Variants in RPH3A observed in about 807,000 individuals in gnomAD.
RPH3A encodes the protein rabphilin 3A.
Under a neutral mutation model 102.2 loss-of-function variants are expected in RPH3A, and 48 were observed. The ratio of observed to expected loss-of-function variants is 0.47; its 90% CI spans 0.37 to 0.60. The LOEUF (loss-of-function observed/expected upper bound fraction) is 0.60, where lower values mean the gene tolerates loss of function less well. Among genes scored for constraint, RPH3A ranks in the 20% least tolerant of loss-of-function variants. RPH3A has a pLI of 0.00. For missense variants in RPH3A, 781 were observed against 910.1 expected (o/e 0.86, Z 1.83); for synonymous variants, 310 against 324.3 (o/e 0.96, Z 0.47).
intron 15 of RPH3A, 31 bp downstream of exon 15, chr12:112,881,877 C>T (rs556640112): frequency 3.0e-5 from 48 of 1,576,612 alleles, no homozygotes; most frequent in South Asian, 1.9e-4. Flanking sequence ...CTCTGCAAAC[C>T]GGGTGCATGG....
chr12:112,590,532 T>C lies in RPH3A; in HGVS notation c.-140+15213T>C, dbSNP rs545812433. 6.6e-5 allele frequency among the ~76,000 whole-genome samples: 10 copies of C among 152,320 alleles called. No homozygotes were observed. In the East Asian group the frequency reaches 1.9e-3, roughly 29 times the overall value. ...CCCCCAGTGGGGTGGACATCAGGGC[T>C]CAGTGTCATGGAAATGGCTCATGGG... On this transcript the variant is annotated intron_variant, in intron 1 of 21. Transcript: ENST00000543106.
intron 1 of RPH3A, among the ~76,000 whole-genome samples, chr12:112,701,118 G>C (rs1381177105): frequency 2.0e-5 from 3 of 152,148 alleles, no homozygotes; most frequent in Non-Finnish European, 4.4e-5. Flanking sequence ...GCTATGCACT[G>C]GGATACAAAC....
chr12:112,815,282 C>T (rs1397414494), intron 2 of RPH3A, among the ~76,000 whole-genome samples: 1 of 152,176 alleles, frequency 6.6e-6, no homozygotes, highest in African/African-American at 2.4e-5. Context: ...TAAGTTGAAC[C>T]ACATGACGCT....
In RPH3A at chr12:112,890,879, C is replaced by T. The variant is rs373313875; in HGVS notation, c.1651C>T (p.Arg551Cys). 8.1e-6 allele frequency: 13 copies of T among 1,613,826 alleles called. No individual in the cohort carries two copies. The highest frequency in any genetic ancestry group is 3.3e-5 in the Admixed American group (2 of 59,970). ...QVERVGDIEE[R>C]GKILVSLMYS... ...GGAGCGTGTTGGTGACATCGAGGAG[C>T]GTGGCAAGATCCTGGTCTCCCTCAT... is the stretch of plus-strand genomic sequence containing the variant. Residue 551 changes from arginine to cysteine, a missense_variant, in exon 19 of 22, where the codon CGT becomes TGT. Around this residue, in one of 2 missense-constraint regions of RPH3A, gnomAD observed 730 missense variants for 810.0 expected, o/e 0.90. Coordinates refer to ENST00000389385, the MANE Select transcript of RPH3A (RefSeq NM_001143854.2).
intron 1 of RPH3A, among the ~76,000 whole-genome samples, chr12:112,783,026 C>A (rs1366024467): frequency 6.6e-6 from 1 of 152,170 alleles, no homozygotes; most frequent in Non-Finnish European, 1.5e-5. Flanking sequence ...TTGCCACCTG[C>A]CTGTCAGCTC....
intron 1 of RPH3A, among the ~76,000 whole-genome samples, chr12:112,585,692 G>A (rs2039433939): frequency 6.6e-6 from 1 of 152,070 alleles, no homozygotes; most frequent in South Asian, 2.1e-4. Flanking sequence ...CCAAGATCCT[G>A]CGCCACTGCA....
chr12:112,664,388 G>A (rs1039542336), intron 1 of RPH3A, among the ~76,000 whole-genome samples: 4 of 152,180 alleles, frequency 2.6e-5, no homozygotes, highest in East Asian at 1.9e-4. Context: ...GTTTTTGGTC[G>A]AAGGTTGGAG....
At chr12:112,774,801 C>A (rs574279532) in intron 1 of RPH3A, among the ~76,000 whole-genome samples, 1 of 151,640 alleles carries the variant, frequency 6.6e-6, no homozygotes, top group African/African-American at 2.4e-5. Flanking sequence ...GGGCGGAGAG[C>A]AGTAGGAAAA....
chr12:112,676,683 G>A (rs2040177083), intron 1 of RPH3A, among the ~76,000 whole-genome samples: 1 of 152,186 alleles, frequency 6.6e-6, no homozygotes, highest in African/African-American at 2.4e-5. Context: ...GCTGAGAGTA[G>A]TAAATTATTC....
rs750365608 is a variant in RPH3A at position 112,879,218 on chromosome 12, C to T, written c.1251+20C>T. 1.9e-6 allele frequency: 3 copies of T among 1,604,096 alleles called. No homozygotes were observed. In the South Asian group the frequency reaches 3.3e-5, roughly 18 times the overall value. The stretch of plus-strand genomic sequence containing the variant: ...GCCAAGGTGGGTGATGGGGACCATG[C>T]AGGGAACCTCTCAGGATGCTCTGGC... On this transcript the variant is annotated intron_variant, in intron 14 of 21. Transcript: ENST00000389385.
chr12:112,605,257 C>T (rs1468088531), intron 1 of RPH3A, among the ~76,000 whole-genome samples: 1 of 152,126 alleles, frequency 6.6e-6, no homozygotes, highest in Non-Finnish European at 1.5e-5. Context: ...CACCTATAAC[C>T]CCAGCTACGT....
intron 2 of RPH3A, among the ~76,000 whole-genome samples, chr12:112,793,453 G>T (rs888452581): frequency 5.3e-5 from 8 of 152,216 alleles, no homozygotes; most frequent in Admixed American, 3.3e-4. Flanking sequence ...TATAAGCAGG[G>T]TTCACTCATT....
At position 112,601,697 on chromosome 12, in the gene RPH3A, C is replaced by T. The variant is rs527920317; in HGVS notation, c.-140+26378C>T. ...CTGTAATCCCAGCACTTTGGGAGGC[C>T]GAGGTGGGCGGATCACTTGAGCACA... On this transcript the variant is annotated intron_variant, in intron 1 of 21. Transcript: ENST00000543106. Among the ~76,000 whole-genome samples, 4 of 152,074 alleles carry T rather than the reference C, an allele frequency of 2.6e-5. No individual in the cohort carries two copies. In the South Asian group the frequency reaches 6.2e-4, roughly 24 times the overall value.
At chr12:112,836,584 A>G (rs2042055197) in intron 4 of RPH3A, 82 bp downstream of exon 4, 2 of 606,120 alleles carry the variant, frequency 3.3e-6, no homozygotes, top group African/African-American at 3.9e-5. Flanking sequence ...GCTTTCCCCT[A>G]AAGAGAGATG....
intron 1 of RPH3A, among the ~76,000 whole-genome samples, chr12:112,650,069 C>A (rs1320218194): frequency 6.6e-6 from 1 of 152,204 alleles, no homozygotes; most frequent in African/African-American, 2.4e-5. Flanking sequence ...TTTAGCACCA[C>A]CATTATCATC....
intron 6 of RPH3A, 24 bp downstream of exon 6, chr12:112,865,567 C>T (rs769986315): frequency 1.2e-6 from 2 of 1,610,192 alleles, no homozygotes; most frequent in South Asian, 2.2e-5. Context: ...CTTCTCCCTT[C>T]TTCCCTGTGC....
intron 1 of RPH3A, among the ~76,000 whole-genome samples, chr12:112,772,212 C>A (rs992368575): frequency 2.6e-5 from 4 of 152,188 alleles, no homozygotes; most frequent in Admixed American, 1.3e-4. Flanking sequence ...CCTCTTCCGG[C>A]AAGTCACCCA....
rs530540045 is a variant in RPH3A at position 112,823,211 on chromosome 12, A to G, written c.-18-5090A>G. ...CACCAATCCTCTAGACACTTATCAG[A>G]ACCCAACAATCCAAAGCCCAGGGGC... On this transcript the variant is annotated intron_variant, in intron 2 of 21. Transcript: ENST00000389385. Among the ~76,000 whole-genome samples the G allele has an allele frequency of 2.0e-5, 3 of 152,338 alleles. No individual in the cohort carries two copies. In the East Asian group the frequency reaches 5.8e-4, roughly 29 times the overall value.
intron 1 of RPH3A, among the ~76,000 whole-genome samples, chr12:112,724,855 G>A (rs1273429390): frequency 6.6e-6 from 1 of 152,132 alleles, no homozygotes; most frequent in South Asian, 2.1e-4. Flanking sequence ...TGTAGTCCCA[G>A]CTACTAGGGA....
Sources: allele counts gnomAD v4.1 joint callset (sites outside exome capture counted in the v4.1 genomes callset), GRCh38; gene constraint gnomAD v4.1.1; regional missense constraint gnomAD v4.1.1; transcripts MANE v1.5; gene names NCBI Gene and HGNC (gene_info 2026-07-23, HGNC 2026-07-21).